The following PRR16 variants were observed in gnomAD, a reference collection of about 807,000 sequenced individuals.
The protein encoded by PRR16 is proline rich 16.
Under a neutral mutation model 18.2 loss-of-function variants are expected in PRR16, and 6 were observed. The ratio of observed to expected loss-of-function variants is 0.33; its 90% CI spans 0.18 to 0.65. PRR16 has a LOEUF of 0.65. PRR16 is among the 30% of genes least tolerant of loss of function. The pLI is 0.74. For synonymous variants in PRR16, 151 were observed against 147.8 expected (o/e 1.02, Z -0.16); for missense variants, 412 against 376.6 (o/e 1.09, Z -0.78).
the PRR16 span, among the ~76,000 whole-genome samples, chr5:120,698,222 G>A: frequency 1.3e-5 from 2 of 152,060 alleles, no homozygotes; most frequent in African/African-American, 4.8e-5. Flanking sequence ...GGAAGATTTT[G>A]TGGTAAGGGG....
intron 1 of PRR16, among the ~76,000 whole-genome samples, chr5:120,617,805 C>T (rs10042936): frequency 6.6e-6 from 1 of 152,098 alleles, no homozygotes; most frequent in Non-Finnish European, 1.5e-5. Context: ...ATAACATAAT[C>T]TTGGTTATGC....
intron 1 of PRR16, among the ~76,000 whole-genome samples, chr5:120,487,295 C>A (rs1229726897): frequency 6.6e-6 from 1 of 152,112 alleles, no homozygotes; most frequent in Non-Finnish European, 1.5e-5. Context: ...AATGTTCTTC[C>A]ATTTGTTTGC....
chr5:120,587,759 C>A (rs1753496592), intron 1 of PRR16, among the ~76,000 whole-genome samples: 1 of 152,222 alleles, frequency 6.6e-6, no homozygotes, highest in Admixed American at 6.5e-5. Context: ...CCTGTTATCA[C>A]AACAGCCATT....
intron 1 of PRR16, among the ~76,000 whole-genome samples, chr5:120,585,991 T>C (rs1336839114): frequency 6.6e-6 from 1 of 151,836 alleles, no homozygotes; most frequent in African/African-American, 2.4e-5. Flanking sequence ...CTGGCCAACA[T>C]GGTGATCCCT....
At chr5:120,520,250 C>G (rs928333426) in intron 1 of PRR16, among the ~76,000 whole-genome samples, 3 of 152,018 alleles carry the variant, frequency 2.0e-5, no homozygotes, top group Non-Finnish European at 2.9e-5. Flanking sequence ...CAAAAATTAG[C>G]CAGGCATGGT....
At chr5:120,693,229 GAT>G in the PRR16 span, among the ~76,000 whole-genome samples, 1 of 152,146 alleles carries the variant, frequency 6.6e-6, no homozygotes, top group Non-Finnish European at 1.5e-5. Context: ...AAGTGCTCCT[GAT>G]AGAGCACTTA....
At chr5:120,518,319 A>G (rs1751063314) in intron 1 of PRR16, among the ~76,000 whole-genome samples, 1 of 151,746 alleles carries the variant, frequency 6.6e-6, no homozygotes, top group South Asian at 2.1e-4. Context: ...TTTTAATTGT[A>G]TATATATATA....
intron 1 of PRR16, among the ~76,000 whole-genome samples, chr5:120,599,991 T>G (rs1032103339): frequency 6.6e-6 from 1 of 151,900 alleles, no homozygotes; most frequent in South Asian, 2.1e-4. Context: ...CTGTATAGTT[T>G]TAAGCCCTTT....
chr5:120,612,711 T>C (rs1754375287), intron 1 of PRR16, among the ~76,000 whole-genome samples: 1 of 152,198 alleles, frequency 6.6e-6, no homozygotes, highest in Admixed American at 6.5e-5. Context: ...ACCGGCAGCA[T>C]GAAAACAGAC....
At chr5:120,659,377 T>C (rs891710666) in intron 1 of PRR16, among the ~76,000 whole-genome samples, 2 of 151,812 alleles carry the variant, frequency 1.3e-5, no homozygotes, top group African/African-American at 2.4e-5. Flanking sequence ...AATTTTTAAA[T>C]GTCAAATATA....
chr5:120,613,468 A>ATAAGT (rs1259636422), intron 1 of PRR16, among the ~76,000 whole-genome samples: 46 of 152,186 alleles, frequency 3.0e-4, no homozygotes, highest in Admixed American at 2.9e-3. Context: ...TATTACTAAG[A>ATAAGT]TTCATGTCTT....
intron 1 of PRR16, among the ~76,000 whole-genome samples, chr5:120,550,135 C>T (rs1752206150): frequency 6.6e-6 from 1 of 151,922 alleles, no homozygotes; most frequent in Admixed American, 6.6e-5. Flanking sequence ...CAGGAAGTCC[C>T]ATAGCATTTA....
intron 1 of PRR16, among the ~76,000 whole-genome samples, chr5:120,629,659 C>G (rs1404676985): frequency 6.6e-6 from 1 of 152,100 alleles, no homozygotes; most frequent in African/African-American, 2.4e-5. Flanking sequence ...GCTATGCCTT[C>G]ACACACCTTT....
At chr5:120,654,328 A>AT (rs1755893175) in intron 1 of PRR16, among the ~76,000 whole-genome samples, 1 of 151,898 alleles carries the variant, frequency 6.6e-6, no homozygotes, top group Non-Finnish European at 1.5e-5. Flanking sequence ...TCTAATCCTA[A>AT]TTTTTTTGTT....
chr5:120,680,758 G>A (rs921680358), intron 1 of PRR16, among the ~76,000 whole-genome samples: 3 of 152,108 alleles, frequency 2.0e-5, no homozygotes, highest in Non-Finnish European at 4.4e-5. Context: ...ATGTTATGTT[G>A]TTTTCTCAAG....
the PRR16 span, among the ~76,000 whole-genome samples, chr5:120,723,651 C>T: frequency 6.6e-6 from 1 of 151,884 alleles, no homozygotes; most frequent in South Asian, 2.1e-4. Flanking sequence ...CTGAACTTCA[C>T]ACTGTTTATA....
chr5:120,471,381 T>A (rs1282187976), intron 1 of PRR16, among the ~76,000 whole-genome samples: 3 of 152,138 alleles, frequency 2.0e-5, no homozygotes, highest in Non-Finnish European at 4.4e-5. Context: ...TAATTTGGAA[T>A]ATATTATTCT....
intron 1 of PRR16, among the ~76,000 whole-genome samples, chr5:120,657,211 C>T (rs985668032): frequency 6.6e-6 from 1 of 151,904 alleles, no homozygotes; most frequent in Admixed American, 6.6e-5. Flanking sequence ...TTAAGGGAGA[C>T]AAACAATTAG....
At chr5:120,539,952 T>C (rs1751857688) in intron 1 of PRR16, among the ~76,000 whole-genome samples, 1 of 152,146 alleles carries the variant, frequency 6.6e-6, no homozygotes, top group Non-Finnish European at 1.5e-5. Context: ...AAATCCCTTT[T>C]TGGTTGAAAT....
Sources: gnomAD v4.1 joint callset for allele counts (sites outside exome capture counted in the v4.1 genomes callset) on GRCh38, gnomAD v4.1.1 for gene constraint, MANE v1.5 for transcripts, NCBI Gene and HGNC (gene_info 2026-07-23, HGNC 2026-07-21) for gene names.